SMURF1: variants seen among roughly 807,000 people sequenced by gnomAD.
SMURF1 encodes E3 ubiquitin-protein ligase SMURF1.
Under a neutral mutation model 98.0 loss-of-function variants are expected in SMURF1, and 44 were observed. That is an observed-to-expected ratio of 0.45 (90% confidence interval 0.35 to 0.58). The LOEUF is 0.58. Ranked by LOEUF, SMURF1 falls within the 20% of genes least tolerant of loss-of-function variation. SMURF1 has a pLI of 0.00. For missense variants in SMURF1, 687 were observed against 938.4 expected (o/e 0.73, Z 3.50); for synonymous variants, 396 against 374.9 (o/e 1.06, Z -0.65).
At chr7:99,125,525 A>AAATGGGG (rs1797725979) in intron 1 of SMURF1, among the ~76,000 whole-genome samples, 2 of 152,262 alleles carry the variant, frequency 1.3e-5, no homozygotes, top group African/African-American at 4.8e-5. Flanking sequence ...ACAGTAACAC[A>AAATGGGG]CTTTGTGAAT....
In SMURF1 at chr7:99,056,084, T is replaced by C. The variant is rs147566065; in HGVS notation, c.403+1121A>G. ...AGACTTTTATAAAGTTGTTTTCAGT[T>C]ACTCATTTTTCTCCCTGGCACATCC... On this transcript the variant is annotated intron_variant, in intron 5 of 17. Transcript: ENST00000361368. Among the ~76,000 whole-genome samples, 1,127 of 152,366 alleles carry C rather than the reference T, an allele frequency of 7.4e-3. 19 individuals carry two copies. Among genetic ancestry groups the C allele is most frequent in the African/African-American group, 0.026 (1,084 of 41,576 alleles).
At chr7:99,087,785 A>T (rs906937476) in intron 1 of SMURF1, among the ~76,000 whole-genome samples, 3 of 151,848 alleles carry the variant, frequency 2.0e-5, no homozygotes, top group African/African-American at 7.3e-5. Context: ...AGTCCAGGCA[A>T]CTCTTATCTC....
At chr7:99,138,584 G>C (rs953891444) in intron 1 of SMURF1, among the ~76,000 whole-genome samples, 1 of 152,080 alleles carries the variant, frequency 6.6e-6, no homozygotes. Flanking sequence ...TGCAAGACTA[G>C]AGGTTTTAAA....
chr7:99,090,837 T>A (rs1180590547), intron 1 of SMURF1, among the ~76,000 whole-genome samples: 1 of 152,164 alleles, frequency 6.6e-6, no homozygotes, highest in African/African-American at 2.4e-5. Context: ...GCCCACAAGG[T>A]TATAATGCAA....
In SMURF1 at chr7:99,027,559, C is replaced by T. The variant is rs1224020959; in HGVS notation, c.*3025G>A. The stretch of plus-strand genomic sequence containing the variant: ...GGTTCCATAACCACATTAAATAGAA[C>T]TAGTATTTCATTAAATACTTTTGAT... On this transcript the variant is annotated 3_prime_UTR_variant, in exon 18 of 18. Coordinates refer to ENST00000361368, the MANE Select transcript of SMURF1 (RefSeq NM_181349.3). The T allele has an allele frequency of 6.6e-6, 1 of 152,596 alleles. No homozygotes were observed. The highest frequency in any genetic ancestry group is 1.9e-4 in the East Asian group (1 of 5,200). The allele number at this position is 152,596 out of a possible 1,614,324, so 9.5% of individuals were successfully genotyped here.
intron 3 of SMURF1, among the ~76,000 whole-genome samples, chr7:99,059,196 G>A (rs1399633512): frequency 2.6e-5 from 4 of 151,384 alleles, no homozygotes; most frequent in African/African-American, 9.7e-5. Context: ...TCAGGAGATC[G>A]AGACCATCCC....
At chr7:99,119,168 G>A (rs182521247) in intron 1 of SMURF1, among the ~76,000 whole-genome samples, 45 of 151,938 alleles carry the variant, frequency 3.0e-4, no homozygotes, top group African/African-American at 1.1e-3. Flanking sequence ...GGGATGGGGA[G>A]GTAGAGAAAG....
intron 1 of SMURF1, among the ~76,000 whole-genome samples, chr7:99,133,617 G>C (rs1190737182): frequency 1.3e-5 from 2 of 152,132 alleles, no homozygotes; most frequent in African/African-American, 4.8e-5. Context: ...CATTACAGTT[G>C]AACATATGCC....
chr7:99,116,357 T>G (rs1797453464), intron 1 of SMURF1, among the ~76,000 whole-genome samples: 1 of 152,048 alleles, frequency 6.6e-6, no homozygotes, highest in African/African-American at 2.4e-5. Flanking sequence ...TCCCCACTAA[T>G]AACAGGAACA....
chr7:99,135,321 TTC>T lies in SMURF1; in HGVS notation c.55+8403_55+8404del, dbSNP rs749941111. Among the ~76,000 whole-genome samples the T allele has an allele frequency of 2.1e-4, 32 of 152,288 alleles. No homozygotes were observed. In the East Asian group the frequency reaches 4.6e-3, roughly 22 times the overall value. ...GCATATAATGAAAAGTCACCCTCTC[TTC>T]TCTCTTTTCTCTCCTCTCTCCCTCT... On this transcript the variant is annotated intron_variant, in intron 1 of 17. Transcript: ENST00000361368.
At chr7:99,077,697 A>T (rs1796497027) in intron 1 of SMURF1, among the ~76,000 whole-genome samples, 1 of 152,066 alleles carries the variant, frequency 6.6e-6, no homozygotes, top group Non-Finnish European at 1.5e-5. Context: ...CTTTGTTCAG[A>T]TTATTAATAT....
chr7:99,063,931 C>T (rs546183558), intron 1 of SMURF1, among the ~76,000 whole-genome samples: 1 of 152,160 alleles, frequency 6.6e-6, no homozygotes, highest in African/African-American at 2.4e-5. Context: ...CACACGCCAC[C>T]CAGCACACTT....
chr7:99,118,408 C>T (rs530395934), intron 1 of SMURF1, among the ~76,000 whole-genome samples: 47 of 152,278 alleles, frequency 3.1e-4, no homozygotes, highest in African/African-American at 1.1e-3. Flanking sequence ...ATCCAAATGT[C>T]AATCAATTAA....
intron 1 of SMURF1, among the ~76,000 whole-genome samples, chr7:99,109,293 G>A (rs1294513448): frequency 2.6e-5 from 4 of 152,190 alleles, no homozygotes; most frequent in African/African-American, 9.7e-5. Flanking sequence ...ACACCGGCAA[G>A]CCGCAGGGCT....
chr7:99,141,375 C>A (rs183109092), intron 1 of SMURF1, among the ~76,000 whole-genome samples: 4 of 152,312 alleles, frequency 2.6e-5, no homozygotes, highest in Admixed American at 2.6e-4. Flanking sequence ...CAGTTGCTTT[C>A]GCTTTTAACA....
chr7:99,136,089 A>G (rs912731384), intron 1 of SMURF1, among the ~76,000 whole-genome samples: 1 of 152,242 alleles, frequency 6.6e-6, no homozygotes, highest in African/African-American at 2.4e-5. Context: ...CCAGCTACTC[A>G]GGAAGCTGAT....
At chr7:99,079,925 A>G (rs1009759628) in intron 1 of SMURF1, among the ~76,000 whole-genome samples, 1 of 152,122 alleles carries the variant, frequency 6.6e-6, no homozygotes, top group Non-Finnish European at 1.5e-5. Context: ...TAAAGATAAT[A>G]GTGCAGGTTA....
At chr7:99,106,271 C>A (rs1797191167) in intron 1 of SMURF1, among the ~76,000 whole-genome samples, 1 of 152,168 alleles carries the variant, frequency 6.6e-6, no homozygotes. Context: ...CAAAATGCAA[C>A]CCCAAGGAGG....
intron 1 of SMURF1, among the ~76,000 whole-genome samples, chr7:99,100,590 T>C (rs1242109027): frequency 6.6e-6 from 1 of 152,070 alleles, no homozygotes; most frequent in Admixed American, 6.5e-5. Context: ...AAAATAAAAA[T>C]GCAGTTCAGA....
Sources: gnomAD v4.1 joint callset for allele counts (sites outside exome capture counted in the v4.1 genomes callset) on GRCh38, gnomAD v4.1.1 for gene constraint, MANE v1.5 for transcripts, NCBI Gene and HGNC (gene_info 2026-07-23, HGNC 2026-07-21) for gene names.